C14orf39: variants seen among roughly 807,000 people sequenced by gnomAD.
The protein encoded by C14orf39 is chromosome 14 open reading frame 39.
C14orf39 carries 66 observed loss-of-function variants against 85.6 expected under a neutral mutation model. That is an observed-to-expected ratio of 0.77 (90% CI 0.63 to 0.95). The LOEUF (loss-of-function observed/expected upper bound fraction) is 0.95, where lower values mean the gene tolerates loss of function less well. Among genes scored for constraint, C14orf39 ranks in the 40% least tolerant of loss-of-function variants. C14orf39 has a pLI of 0.00. For synonymous variants in C14orf39, 242 were observed against 214.0 expected, an observed-to-expected ratio of 1.13 and a Z score of -1.14; for missense variants, 735 against 663.9, an observed-to-expected ratio of 1.11 and a Z score of -1.18.
intron 2 of C14orf39, among the ~76,000 whole-genome samples, chr14:60,498,345 G>T (rs1013778144): frequency 6.6e-6 from 1 of 152,172 alleles, no homozygotes; most frequent in Non-Finnish European, 1.5e-5. Flanking sequence ...TCATTGAGAG[G>T]TCTATACCTT....
chr14:60,468,814 C>A (rs957316439), intron 8 of C14orf39, among the ~76,000 whole-genome samples: 1 of 151,526 alleles, frequency 6.6e-6, no homozygotes, highest in Non-Finnish European at 1.5e-5. Flanking sequence ...TGATTCCTTA[C>A]ATTAAGGACA....
chr14:60,490,037 T>C (rs1338266839), upstream of C14orf39, among the ~76,000 whole-genome samples: 1 of 152,178 alleles, frequency 6.6e-6, no homozygotes, highest in Non-Finnish European at 1.5e-5. Flanking sequence ...AACACCGCAG[T>C]AGCTGCATGA....
At chr14:60,490,069 T>G (rs934009758), upstream of C14orf39, among the ~76,000 whole-genome samples, 3 of 152,152 alleles carry the variant, frequency 2.0e-5, no homozygotes, top group Admixed American at 2.0e-4. Context: ...TCTCTCATAA[T>G]TTTCTCTATC....
At chr14:60,440,598 T>G (rs1306395821) in intron 17 of C14orf39, among the ~76,000 whole-genome samples, 2 of 152,216 alleles carry the variant, frequency 1.3e-5, no homozygotes, top group African/African-American at 2.4e-5. Flanking sequence ...CAGTCTGTTC[T>G]CCACATAGCA....
At position 60,468,449 on chromosome 14, in the gene C14orf39, C is replaced by A; in HGVS notation, c.763G>T (p.Glu255Ter). 6.4e-7 allele frequency: 1 copy of A among 1,568,814 alleles called. No homozygotes were observed. Among genetic ancestry groups the A allele is most frequent in the Non-Finnish European group, 8.7e-7 (1 of 1,152,776 alleles). The change falls in exon 9 of 18, where the codon GAA (glutamate) becomes TAA (stop). Residue 255 changes from glutamate (E) to a stop codon, truncating the protein, a stop_gained. Coordinates refer to ENST00000321731, the MANE Select transcript of C14orf39 (RefSeq NM_174978.3). LOFTEE classifies it high-confidence loss of function. ...AATTTTAAAGGTTACCTATACCTTTCTTTCAGTTCTTTTCTGTTTTCTGTA... is the reference window on the plus strand; with the variant it reads ...AATTTTAAAGGTTACCTATACCTTTATTTCAGTTCTTTTCTGTTTTCTGTA... ...KNTENRKELK[E>*]RIFGKDEHVL...
chr14:60,448,132 G>T lies in C14orf39; in HGVS notation c.1504-6001C>A, dbSNP rs543203113. Among the ~76,000 whole-genome samples the T allele has an allele frequency of 1.3e-4, 20 of 152,294 alleles. No individual in the cohort carries two copies. The South Asian group carries it at 2.9e-3, about 22-fold the overall frequency. ...CAATACCATTCAGGACACAGGCATGGCCGAGGACTTCATGACCAAAACACC... is the reference window on the plus strand; with the variant it reads ...CAATACCATTCAGGACACAGGCATGTCCGAGGACTTCATGACCAAAACACC... On this transcript the variant is annotated intron_variant, in intron 16 of 17. Transcript: ENST00000321731.
chr14:60,500,745 C>A (rs992349270), intron 1 of C14orf39, among the ~76,000 whole-genome samples: 2 of 152,110 alleles, frequency 1.3e-5, no homozygotes, highest in African/African-American at 4.8e-5. Context: ...TAAGGATATG[C>A]ACCTAGCACT....
chr14:60,440,171 A>G (rs541653699), intron 17 of C14orf39, among the ~76,000 whole-genome samples: 1 of 152,348 alleles, frequency 6.6e-6, no homozygotes, highest in South Asian at 2.1e-4. Flanking sequence ...AGCATTAAAT[A>G]CCATTTATAA....
intron 5 of C14orf39, among the ~76,000 whole-genome samples, chr14:60,473,270 ATTTG>A (rs769799457): frequency 1.8e-4 from 28 of 152,106 alleles, no homozygotes; most frequent in Non-Finnish European, 3.5e-4. Context: ...TTTCTTATAA[ATTTG>A]TTTAAGTTCA....
rs936420561 is a variant in C14orf39, at chr14:60,491,802, TTC to T, written c.-8-6718_-8-6717del. ...ACAGAGCAATTCTTAAATGTAAATA[TTC>T]TCTCTCTCTTTTTCTCTCTCTCTCT... On this transcript the variant is annotated intron_variant, in intron 2 of 5. Transcript: ENST00000556799. This position sits in a 1 kb window ranked among gnomAD's most constrained non-coding sequence, Gnocchi z 4.5. 3.3e-4 allele frequency among the ~76,000 whole-genome samples: 50 copies of T among 152,074 alleles called. No homozygotes were observed. The highest frequency in any genetic ancestry group is 1.5e-3 in the East Asian group (8 of 5,186).
At chr14:60,439,559 G>A (rs1890410276) in intron 17 of C14orf39, among the ~76,000 whole-genome samples, 1 of 152,148 alleles carries the variant, frequency 6.6e-6, no homozygotes, top group Admixed American at 6.5e-5. Flanking sequence ...CCAGAATAAT[G>A]GAGATACCAT....
At chr14:60,506,744 C>T (rs1893209055) in intron 1 of C14orf39, among the ~76,000 whole-genome samples, 1 of 152,252 alleles carries the variant, frequency 6.6e-6, no homozygotes. Context: ...ACACGCAGCC[C>T]GCACCCTTCT....
intron 2 of C14orf39, chr14:60,495,152 G>A (rs755324693): frequency 5.3e-5 from 11 of 206,924 alleles, no homozygotes; most frequent in East Asian, 1.3e-4. Context: ...AGTCTCTCCC[G>A]AGTGTGGGCA....
chr14:60,469,824 C>T (rs1293885443), intron 7 of C14orf39, among the ~76,000 whole-genome samples, 171 bp from the exon 8 acceptor site: 3 of 149,754 alleles, frequency 2.0e-5, no homozygotes, highest in Non-Finnish European at 4.4e-5. Flanking sequence ...AAACATTTGG[C>T]AGACTAACAG....
chr14:60,478,429 G>A (rs889280282), intron 4 of C14orf39, 40 bp from the exon 5 acceptor site: 3 of 1,053,454 alleles, frequency 2.8e-6, no homozygotes, highest in Non-Finnish European at 4.2e-6. Flanking sequence ...AACTCAGAAT[G>A]ATAAACAAAT....
chr14:60,514,922 G>C (rs976340318), intron 1 of C14orf39, among the ~76,000 whole-genome samples: 6 of 152,168 alleles, frequency 3.9e-5, no homozygotes, highest in Admixed American at 3.3e-4. Context: ...CTGTCAGGCG[G>C]CTCTGCGTAA....
chr14:60,509,618 C>T, intron 1 of C14orf39: 1 of 1,613,786 alleles, frequency 6.2e-7, no homozygotes, highest in Non-Finnish European at 8.5e-7. Flanking sequence ...CTATCATATC[C>T]TGGAAAACCA....
At chr14:60,460,089 A>C (rs1891450307) in intron 13 of C14orf39, among the ~76,000 whole-genome samples, 1 of 151,032 alleles carries the variant, frequency 6.6e-6, no homozygotes, top group South Asian at 2.1e-4. Flanking sequence ...TCTTACATTT[A>C]AGTCATAGGT....
intron 17 of C14orf39, among the ~76,000 whole-genome samples, chr14:60,437,745 T>C (rs1306003580): frequency 3.3e-5 from 5 of 152,032 alleles, no homozygotes; most frequent in African/African-American, 1.2e-4. Context: ...AGAGATACTG[T>C]ATAAGTTAAA....
Sources: allele counts gnomAD v4.1 joint callset (sites outside exome capture counted in the v4.1 genomes callset), GRCh38; gene constraint gnomAD v4.1.1; non-coding constraint Gnocchi (gnomAD v3.1); transcripts MANE v1.5; gene names NCBI Gene and HGNC (gene_info 2026-07-23, HGNC 2026-07-21).